The following NRXN3 variants were observed in gnomAD, a reference collection of about 807,000 sequenced individuals.
NRXN3 encodes the protein neurexin 3.
In NRXN3, 32 loss-of-function variants were observed where a neutral mutation model predicts 137.6. The observed-to-expected ratio is 0.23, with a 90% confidence interval of 0.18 to 0.31. The LOEUF (loss-of-function observed/expected upper bound fraction) is 0.31. NRXN3 is among the 10% of genes least tolerant of loss of function. The pLI, the probability that NRXN3 is intolerant of heterozygous loss-of-function variation, is 1.00. For missense variants in NRXN3, 1,574 were observed against 2,062.5 expected (o/e 0.76, Z 4.59); for synonymous variants, 798 against 784.5 (o/e 1.02, Z -0.29).
intron 16 of NRXN3, among the ~76,000 whole-genome samples, chr14:79,509,196 A>AAATAAT (rs551646534): frequency 6.6e-5 from 10 of 151,966 alleles, no homozygotes; most frequent in African/African-American, 1.9e-4. Context: ...TCTGTCTCAA[A>AAATAAT]AATAATAATA....
chr14:79,592,135 C>G (rs189941360), intron 16 of NRXN3, among the ~76,000 whole-genome samples: 1 of 152,248 alleles, frequency 6.6e-6, no homozygotes, highest in Non-Finnish European at 1.5e-5. Flanking sequence ...CCATAGTTTA[C>G]TTTTTCATGT....
chr14:78,229,290 T>C (rs947867623), intron 1 of NRXN3, among the ~76,000 whole-genome samples: 4 of 151,720 alleles, frequency 2.6e-5, no homozygotes, highest in Admixed American at 6.6e-5. Flanking sequence ...TTTTTTTTTT[T>C]CAATCAGAGT....
intron 4 of NRXN3, among the ~76,000 whole-genome samples, chr14:78,490,170 CCGAAAG>C (rs1264685974): frequency 6.7e-5 from 8 of 119,242 alleles, no homozygotes; most frequent in Non-Finnish European, 9.0e-5. Context: ...ACCTCGGCCT[CCGAAAG>C]TGCTGGGATT....
At chr14:79,458,507 G>A (rs2096285263) in intron 15 of NRXN3, among the ~76,000 whole-genome samples, 2 of 152,102 alleles carry the variant, frequency 1.3e-5, no homozygotes, top group Admixed American at 6.6e-5. Flanking sequence ...GCATAGGTAA[G>A]CCAGGTTTCA....
intron 1 of NRXN3, among the ~76,000 whole-genome samples, chr14:78,173,902 C>T (rs1005669604): frequency 6.6e-6 from 1 of 151,866 alleles, no homozygotes; most frequent in Non-Finnish European, 1.5e-5. Context: ...CCCTTAACCT[C>T]TTTCCCCACT....
At chr14:79,177,495 T>C (rs1314058689) in intron 15 of NRXN3, among the ~76,000 whole-genome samples, 2 of 152,212 alleles carry the variant, frequency 1.3e-5, no homozygotes, top group Non-Finnish European at 2.9e-5. Flanking sequence ...CTTTGATAAA[T>C]TTTTGTGTCA....
At chr14:79,603,186 T>G (rs576223254) in intron 16 of NRXN3, among the ~76,000 whole-genome samples, 1 of 152,092 alleles carries the variant, frequency 6.6e-6, no homozygotes, top group Non-Finnish European at 1.5e-5. Context: ...TTATTTTCTT[T>G]AAAACAAAAT....
chr14:78,631,112 T>C (rs1201834235), intron 4 of NRXN3, among the ~76,000 whole-genome samples: 1 of 152,192 alleles, frequency 6.6e-6, no homozygotes, highest in Non-Finnish European at 1.5e-5. Context: ...ATCATTCAGA[T>C]AAGACCAAGT....
Position 78,639,770 on chromosome 14 carries a change from G to A in NRXN3, c.758-5350G>A, listed in dbSNP as rs886485666. On this transcript the variant is annotated intron_variant, in intron 4 of 20. Coordinates refer to ENST00000335750, the MANE Select transcript of NRXN3 (RefSeq NM_001330195.2). ...AAAGCAATGGAATGAAAATCATAGC[G>A]TTACAGTTTTGGAAATGGCACTCCG... 7.2e-5 allele frequency among the ~76,000 whole-genome samples: 11 copies of A among 152,188 alleles called. No individual in the cohort carries two copies. In the South Asian group the frequency reaches 8.3e-4, roughly 11 times the overall value.
chr14:79,589,328 T>A (rs931270148), intron 16 of NRXN3, among the ~76,000 whole-genome samples: 3 of 152,160 alleles, frequency 2.0e-5, no homozygotes, highest in Non-Finnish European at 4.4e-5. Context: ...TACTAGCCCT[T>A]ATTCATTTAC....
At chr14:78,289,090 A>T (rs1286130411) in intron 3 of NRXN3, among the ~76,000 whole-genome samples, 1 of 152,166 alleles carries the variant, frequency 6.6e-6, no homozygotes, top group Non-Finnish European at 1.5e-5. Context: ...TAGCAGCAGG[A>T]TCTCTCTCTT....
intron 1 of NRXN3, among the ~76,000 whole-genome samples, chr14:78,208,180 T>C (rs8015270): frequency 0.66 from 100,483 of 152,148 alleles, 33,379 homozygotes; most frequent in Middle Eastern, 0.72. Context: ...AAAAAAGTGC[T>C]TAGCACATAG....
chr14:78,774,129 C>T (rs1443282286), intron 8 of NRXN3, among the ~76,000 whole-genome samples: 1 of 152,224 alleles, frequency 6.6e-6, no homozygotes, highest in Non-Finnish European at 1.5e-5. Flanking sequence ...TGCTTTATAC[C>T]TGCTATTACT....
intron 4 of NRXN3, among the ~76,000 whole-genome samples, chr14:78,351,221 G>A (rs11849138): frequency 0.056 from 8,580 of 152,206 alleles, 795 homozygotes; most frequent in African/African-American, 0.19. Flanking sequence ...GCTGTATAGT[G>A]TTCTATCAAT....
intron 15 of NRXN3, among the ~76,000 whole-genome samples, chr14:79,437,496 A>C (rs1317720): frequency 0.25 from 38,270 of 151,900 alleles, 5,570 homozygotes; most frequent in South Asian, 0.36. Context: ...TCGAATTTGC[A>C]TTGTCTTTGC....
chr14:79,278,885 C>A (rs989845726), intron 15 of NRXN3, among the ~76,000 whole-genome samples: 1 of 152,218 alleles, frequency 6.6e-6, no homozygotes, highest in Non-Finnish European at 1.5e-5. Context: ...CCCAAGCCAC[C>A]GCCAGGCAGG....
chr14:79,514,354 G>A (rs959101972), intron 16 of NRXN3, among the ~76,000 whole-genome samples: 9 of 152,006 alleles, frequency 5.9e-5, no homozygotes, highest in Non-Finnish European at 1.5e-5. Flanking sequence ...GAATTTCGCT[G>A]TCCTCTCAGT....
intron 1 of NRXN3, among the ~76,000 whole-genome samples, chr14:78,179,810 G>GTTTTT (rs1164540691): frequency 6.9e-5 from 2 of 28,838 alleles, no homozygotes; most frequent in Non-Finnish European, 1.5e-4. Flanking sequence ...TTTGTTCTTT[G>GTTTTT]TTTTTTTTTT....
intron 19 of NRXN3, among the ~76,000 whole-genome samples, chr14:79,769,240 A>G (rs2099067917): frequency 6.7e-6 from 1 of 150,042 alleles, no homozygotes; most frequent in South Asian, 2.2e-4. Context: ...CTAGCAAGGC[A>G]GGCCAACGTT....
Sources: allele counts gnomAD v4.1 joint callset (sites outside exome capture counted in the v4.1 genomes callset), GRCh38; gene constraint gnomAD v4.1.1; transcripts MANE v1.5; gene names NCBI Gene and HGNC (gene_info 2026-07-23, HGNC 2026-07-21).